L3MBTL4: variants seen among roughly 807,000 people sequenced by gnomAD.
The protein encoded by L3MBTL4 is lethal(3)malignant brain tumor-like protein 4.
L3MBTL4 carries 70 observed loss-of-function variants against 84.5 expected under a neutral mutation model. The ratio of observed to expected loss-of-function variants is 0.83; its 90% CI spans 0.68 to 1.01. L3MBTL4 has a LOEUF of 1.01. L3MBTL4 is among the 50% of genes least tolerant of loss of function. The probability of loss-of-function intolerance (pLI) is 0.00; values close to 1 mark genes in which losing one functional copy is unlikely to be tolerated. For missense variants in L3MBTL4, 715 were observed against 754.8 expected (o/e 0.95, Z 0.62); for synonymous variants, 274 against 259.8 (o/e 1.05, Z -0.52).
At position 6,333,465 on chromosome 18, in the gene L3MBTL4, C is replaced by T. The variant is rs536525702; in HGVS notation, c.-90-21409G>A. ...TGGCACATGCCTGTAGTCCCAGCTA[C>T]GTGGGAGGCTGAGGCAGGAGAATCA... is the stretch of plus-strand genomic sequence containing the variant. On this transcript the variant is annotated intron_variant, in intron 1 of 18. Coordinates refer to ENST00000317931, the MANE Select transcript of L3MBTL4 (RefSeq NM_001330559.2). Among the ~76,000 whole-genome samples the T allele has an allele frequency of 5.9e-5, 9 of 151,382 alleles. No homozygotes were observed. The South Asian group carries it at 1.7e-3, about 28-fold the overall frequency.
rs532903709 is a variant in L3MBTL4, at chr18:6,166,731, G to T, written c.1096+5097C>A. Among the ~76,000 whole-genome samples, 18 of 152,160 alleles carry T rather than the reference G, an allele frequency of 1.2e-4. No individual in the cohort carries two copies. The East Asian group carries it at 3.3e-3, about 28-fold the overall frequency. On this transcript the variant is annotated intron_variant, in intron 13 of 18. Coordinates refer to ENST00000317931, the MANE Select transcript of L3MBTL4 (RefSeq NM_001330559.2). ...AATGCCCACAAGAGAAAGCAGGAAAGATCAAAAATTGACACCCTAACATAA... is the reference window on the plus strand; with the variant it reads ...AATGCCCACAAGAGAAAGCAGGAAATATCAAAAATTGACACCCTAACATAA...
At chr18:6,230,880 C>A (rs1485183486) in intron 10 of L3MBTL4, among the ~76,000 whole-genome samples, 1 of 151,960 alleles carries the variant, frequency 6.6e-6, no homozygotes, top group Non-Finnish European at 1.5e-5. Context: ...ACATATATGT[C>A]TTTTGAAAAA....
intron 13 of L3MBTL4, among the ~76,000 whole-genome samples, chr18:6,160,907 C>T (rs2043310328): frequency 6.6e-6 from 1 of 151,912 alleles, no homozygotes; most frequent in African/African-American, 2.4e-5. Context: ...TGAATAATTA[C>T]CAATATAGTA....
intron 16 of L3MBTL4, among the ~76,000 whole-genome samples, chr18:6,075,968 A>G (rs2057843895): frequency 6.6e-6 from 1 of 152,250 alleles, no homozygotes; most frequent in Admixed American, 6.5e-5. Context: ...AAGAATGGCT[A>G]CAATGAAAGA....
chr18:5,982,660 T>C (rs2053287761), intron 16 of L3MBTL4, among the ~76,000 whole-genome samples: 1 of 152,214 alleles, frequency 6.6e-6, no homozygotes, highest in South Asian at 2.1e-4. Context: ...TTTCAGATGC[T>C]AATTTTATAC....
At chr18:6,408,897 G>A (rs1350211688) in intron 1 of L3MBTL4, among the ~76,000 whole-genome samples, 4 of 151,908 alleles carry the variant, frequency 2.6e-5, no homozygotes, top group African/African-American at 7.3e-5. Context: ...GGCTGGTCTC[G>A]AACTCCTAAA....
At chr18:6,074,594 G>A (rs994837444) in intron 16 of L3MBTL4, among the ~76,000 whole-genome samples, 27 of 152,102 alleles carry the variant, frequency 1.8e-4, no homozygotes, top group African/African-American at 6.5e-4. Context: ...TCAATCACTC[G>A]CAGTTAACAT....
chr18:6,043,387 A>T (rs1008164886), intron 16 of L3MBTL4, among the ~76,000 whole-genome samples: 1 of 152,046 alleles, frequency 6.6e-6, no homozygotes, highest in Non-Finnish European at 1.5e-5. Context: ...CAGGCCTGGG[A>T]TTCTACTGTT....
At chr18:6,226,053 G>T (rs1180443850) in intron 10 of L3MBTL4, among the ~76,000 whole-genome samples, 4 of 152,130 alleles carry the variant, frequency 2.6e-5, no homozygotes. Flanking sequence ...CATAAAAAGT[G>T]CTGAAAATGG....
At chr18:6,068,069 G>T (rs2057456580) in intron 16 of L3MBTL4, among the ~76,000 whole-genome samples, 1 of 152,104 alleles carries the variant, frequency 6.6e-6, no homozygotes, top group Non-Finnish European at 1.5e-5. Context: ...GACTCTGTAG[G>T]AGTTCCTTAA....
At position 6,196,437 on chromosome 18, in the gene L3MBTL4, A is replaced by G. The variant is rs181525286; in HGVS notation, c.981+16712T>C. Among the ~76,000 whole-genome samples, 657 of 152,244 alleles carry G rather than the reference A, an allele frequency of 4.3e-3. 2 individuals carry two copies. Among genetic ancestry groups the G allele is most frequent in the East Asian group, 7.5e-3 (39 of 5,170 alleles). ...CTCCCAAAATGCTGGGATTACAGGCATGAGCCACCGTGCCCGGCCTAGAGT... is the reference window on the plus strand; with the variant it reads ...CTCCCAAAATGCTGGGATTACAGGCGTGAGCCACCGTGCCCGGCCTAGAGT... On this transcript the variant is annotated intron_variant, in intron 12 of 18. Coordinates refer to ENST00000317931, the MANE Select transcript of L3MBTL4 (RefSeq NM_001330559.2).
At chr18:6,042,207 G>A (rs1011291066) in intron 16 of L3MBTL4, among the ~76,000 whole-genome samples, 1 of 152,064 alleles carries the variant, frequency 6.6e-6, no homozygotes, top group Non-Finnish European at 1.5e-5. Context: ...TCCCACCCAA[G>A]GTTAATCCCA....
chr18:6,044,107 T>C (rs1386444269), intron 16 of L3MBTL4, among the ~76,000 whole-genome samples: 7 of 152,202 alleles, frequency 4.6e-5, no homozygotes, highest in African/African-American at 2.4e-5. Context: ...AGTTTAAATA[T>C]GAATGTCTTC....
At chr18:6,407,853 C>T (rs2055798382) in intron 1 of L3MBTL4, among the ~76,000 whole-genome samples, 1 of 152,158 alleles carries the variant, frequency 6.6e-6, no homozygotes. Context: ...TAAAATTCCA[C>T]ACCTCAGAGT....
At chr18:6,332,228 C>T (rs1281492472) in intron 1 of L3MBTL4, among the ~76,000 whole-genome samples, 2 of 152,212 alleles carry the variant, frequency 1.3e-5, no homozygotes, top group Admixed American at 1.3e-4. Flanking sequence ...TAAGGATCTA[C>T]TTTGCTGAAT....
chr18:6,247,466 ATTTT>A (rs71163266), intron 5 of L3MBTL4, among the ~76,000 whole-genome samples: 40 of 49,624 alleles, frequency 8.1e-4, no homozygotes, highest in African/African-American at 3.8e-3. Context: ...CCCTCCTCTG[ATTTT>A]TTTTTTTTTT....
At chr18:6,107,132 A>C (rs1263429892) in intron 14 of L3MBTL4, among the ~76,000 whole-genome samples, 1 of 152,212 alleles carries the variant, frequency 6.6e-6, no homozygotes, top group Non-Finnish European at 1.5e-5. Flanking sequence ...TATTTCATTA[A>C]ATAAATATAA....
chr18:6,063,965 T>A (rs1598612026), intron 16 of L3MBTL4, among the ~76,000 whole-genome samples: 1 of 152,130 alleles, frequency 6.6e-6, no homozygotes, highest in East Asian at 1.9e-4. Context: ...TCCAAAGTTA[T>A]CTTCTATAAT....
At chr18:6,135,101 G>T (rs1280990488) in intron 14 of L3MBTL4, among the ~76,000 whole-genome samples, 1 of 152,174 alleles carries the variant, frequency 6.6e-6, no homozygotes, top group African/African-American at 2.4e-5. Flanking sequence ...TGTGGAAGCT[G>T]CCAAGGCTTG....
Sources: gnomAD v4.1 joint callset for allele counts (sites outside exome capture counted in the v4.1 genomes callset) on GRCh38, gnomAD v4.1.1 for gene constraint, MANE v1.5 for transcripts, NCBI Gene and HGNC (gene_info 2026-07-23, HGNC 2026-07-21) for gene names.